XKR4: variants seen among roughly 807,000 people sequenced by gnomAD.
The protein encoded by XKR4 is XK-related protein 4.
A neutral mutation model predicts 53.9 loss-of-function variants in XKR4; 12 were observed. The observed-to-expected ratio is 0.22, with a 90% CI of 0.14 to 0.36. XKR4 has a LOEUF of 0.36. XKR4 is among the 10% of genes least tolerant of loss of function. The probability of loss-of-function intolerance (pLI) is 1.00; values close to 1 mark genes in which losing one functional copy is unlikely to be tolerated. For synonymous variants in XKR4, 354 were observed against 362.4 expected (o/e 0.98, Z 0.26); for missense variants, 799 against 859.5 (o/e 0.93, Z 0.88).
chr8:55,258,538 G>A (rs1421947350), intron 1 of XKR4, among the ~76,000 whole-genome samples: 1 of 152,148 alleles, frequency 6.6e-6, no homozygotes, highest in Admixed American at 6.5e-5. Context: ...CCTAAAGCGG[G>A]AATGACATCA....
intron 1 of XKR4, among the ~76,000 whole-genome samples, chr8:55,155,512 TAA>T (rs1389364872): frequency 7.5e-6 from 1 of 133,774 alleles, no homozygotes; most frequent in Non-Finnish European, 1.6e-5. Context: ...CGTCAGAAAA[TAA>T]TAAAGTGCTC....
At chr8:55,255,580 G>C (rs113511801) in intron 1 of XKR4, among the ~76,000 whole-genome samples, 202 of 152,146 alleles carry the variant, frequency 1.3e-3, no homozygotes, top group African/African-American at 4.7e-3. Flanking sequence ...GGTATGCTTA[G>C]TGTATAAATG....
intron 1 of XKR4, among the ~76,000 whole-genome samples, chr8:55,143,935 C>T (rs996580846): frequency 1.3e-5 from 2 of 152,170 alleles, no homozygotes; most frequent in Non-Finnish European, 2.9e-5. Context: ...TGGCTCTTAC[C>T]AGACTTCTAT....
chr8:55,248,684 A>G (rs1818322343), intron 1 of XKR4, among the ~76,000 whole-genome samples: 1 of 152,172 alleles, frequency 6.6e-6, no homozygotes, highest in South Asian at 2.1e-4. Flanking sequence ...AATAATGTAA[A>G]TATTCTTATA....
intron 2 of XKR4, chr8:55,453,611 A>G: frequency 4.8e-6 from 2 of 414,482 alleles, no homozygotes; most frequent in Non-Finnish European, 4.6e-6. Context: ...TGCACCTTGC[A>G]TCTTGGCCTC....
intron 1 of XKR4, among the ~76,000 whole-genome samples, chr8:55,134,359 C>T (rs548657211): frequency 7.0e-4 from 106 of 152,158 alleles, no homozygotes; most frequent in African/African-American, 2.5e-3. Context: ...TGACAGTAGC[C>T]TGTATATAAT....
intron 1 of XKR4, among the ~76,000 whole-genome samples, chr8:55,250,396 C>T (rs1229715255): frequency 6.6e-6 from 1 of 152,154 alleles, no homozygotes; most frequent in Non-Finnish European, 1.5e-5. Context: ...TCATACAGTG[C>T]TCCTTTGATT....
chr8:55,141,147 C>G (rs2129354207), intron 1 of XKR4, among the ~76,000 whole-genome samples: 1 of 152,246 alleles, frequency 6.6e-6, no homozygotes, highest in South Asian at 2.1e-4. Context: ...GCCTTCCCAG[C>G]CCTAAGCAAC....
intron 2 of XKR4, among the ~76,000 whole-genome samples, chr8:55,421,858 C>T (rs551980834): frequency 2.6e-5 from 4 of 152,190 alleles, no homozygotes; most frequent in East Asian, 1.9e-4. Context: ...GAAGCAGCTG[C>T]AGGTGGCAAA....
chr8:55,365,889 C>G (rs188855687), intron 2 of XKR4, among the ~76,000 whole-genome samples: 1 of 152,240 alleles, frequency 6.6e-6, no homozygotes, highest in East Asian at 1.9e-4. Context: ...AAGGGTACTG[C>G]CTGAGGAGTG....
chr8:55,327,062 G>A (rs921392674), intron 1 of XKR4, among the ~76,000 whole-genome samples: 12 of 152,160 alleles, frequency 7.9e-5, no homozygotes, highest in African/African-American at 1.4e-4. Context: ...ACTTAAGATC[G>A]TTGCAAGGCG....
chr8:55,358,522 G>A (rs1427209125), intron 2 of XKR4, among the ~76,000 whole-genome samples: 1 of 152,096 alleles, frequency 6.6e-6, no homozygotes, highest in Non-Finnish European at 1.5e-5. Flanking sequence ...TCATCAGTAG[G>A]ACTATTCCAG....
At position 55,457,146 on chromosome 8, in the gene XKR4, C is replaced by CTT. The variant is rs1554527639; in HGVS notation, c.1007-66122_1007-66121dup. ...CAAGTGCTGAATTTTTTTTCCTTTT[C>CTT]TTTTTTTTTTTTTTGAGACTGAGTC... On this transcript the variant is annotated intron_variant, in intron 2 of 2. Coordinates refer to ENST00000327381, the MANE Select transcript of XKR4 (RefSeq NM_052898.2). Among the ~76,000 whole-genome samples the CTT allele has an allele frequency of 1.2e-4, 17 of 137,234 alleles. 1 individual carries two copies. The highest frequency in any genetic ancestry group is 4.5e-4 in the African/African-American group (17 of 37,722). 90.0% of individuals were successfully genotyped at this position (137,234 alleles called of 152,430 possible).
chr8:55,233,628 C>T (rs116602282), intron 1 of XKR4, among the ~76,000 whole-genome samples: 1,661 of 152,382 alleles, frequency 0.011, 34 homozygotes, highest in African/African-American at 0.037. Context: ...TTCAGTCACA[C>T]TGCATATTTG....
At position 55,536,786 on chromosome 8, in the gene XKR4, G is replaced by A. The variant is rs930122705; in HGVS notation, c.*12559G>A. On this transcript the variant is annotated 3_prime_UTR_variant, in exon 3 of 3. Coordinates refer to ENST00000327381, the MANE Select transcript of XKR4 (RefSeq NM_052898.2). ...AGGTAGGCTGTCCTGGGCATTCTGG[G>A]CCTGGCTGCGGCACACCCTCCTTCA... 1.3e-5 allele frequency: 2 copies of A among 152,176 alleles called. No individual in the cohort carries two copies. Among genetic ancestry groups the A allele is most frequent in the African/African-American group, 4.8e-5 (2 of 41,446 alleles). 9.4% of individuals were successfully genotyped at this position (152,176 alleles called of 1,614,324 possible).
intron 1 of XKR4, among the ~76,000 whole-genome samples, chr8:55,114,740 C>G (rs969493419): frequency 6.6e-6 from 1 of 152,148 alleles, no homozygotes; most frequent in African/African-American, 2.4e-5. Context: ...GGTTCTCACT[C>G]AGGGACGTCA....
intron 2 of XKR4, among the ~76,000 whole-genome samples, chr8:55,474,279 C>T (rs1365538802): frequency 6.6e-6 from 1 of 152,060 alleles, no homozygotes; most frequent in Non-Finnish European, 1.5e-5. Flanking sequence ...ACCACAAAGA[C>T]ATAAAACTTT....
rs945916869 is a variant in XKR4 at position 55,103,076 on chromosome 8, C to T, written c.588C>T (p.Val196=). ...PQPGADCKTV[V]GGGSAAGEGE... ...CTGGAGCCGATTGCAAGACGGTGGT[C>T]GGCGGTGGGTCTGCAGCCGGGGAAG... Residue 196 remains valine (V), a synonymous_variant, in exon 1 of 3, where the codon GTC becomes GTT. Transcript: ENST00000327381. The T allele has an allele frequency of 6.2e-7, 1 of 1,612,790 alleles. No individual in the cohort carries two copies. Among genetic ancestry groups the T allele is most frequent in the Non-Finnish European group, 8.5e-7 (1 of 1,179,690 alleles).
chr8:55,207,638 ACACACACACACG>A (rs377182783), intron 1 of XKR4, among the ~76,000 whole-genome samples: 129,326 of 151,052 alleles, frequency 0.86, 55,273 homozygotes, highest in South Asian at 0.9. Context: ...ATGCGCGCGC[ACACACACACACG>A]CGCACACACA....
Sources: gnomAD v4.1 joint callset for allele counts (sites outside exome capture counted in the v4.1 genomes callset) on GRCh38, gnomAD v4.1.1 for gene constraint, MANE v1.5 for transcripts, NCBI Gene and HGNC (gene_info 2026-07-23, HGNC 2026-07-21) for gene names.